Variants in CLYBL observed in about 807,000 individuals in gnomAD.
CLYBL encodes citramalyl-CoA lyase, mitochondrial.
A neutral mutation model predicts 38.9 loss-of-function variants in CLYBL; 31 were observed. That is an observed-to-expected ratio of 0.80 (90% confidence interval 0.60 to 1.08). The LOEUF (loss-of-function observed/expected upper bound fraction) is 1.08. CLYBL is among the 50% of genes least tolerant of loss of function. The probability of loss-of-function intolerance (pLI) is 0.00; values close to 1 mark genes in which losing one functional copy is unlikely to be tolerated. For synonymous variants in CLYBL, 171 were observed against 158.6 expected (o/e 1.08, Z -0.59); for missense variants, 434 against 411.6 (o/e 1.05, Z -0.47).
intron 2 of CLYBL, among the ~76,000 whole-genome samples, chr13:99,827,655 C>T (rs1438121398): frequency 6.6e-6 from 1 of 152,206 alleles, no homozygotes; most frequent in African/African-American, 2.4e-5. Flanking sequence ...CTGGGGAGCC[C>T]CACACCAGGG....
chr13:99,843,604 C>CTTTTT (rs60365803), intron 2 of CLYBL, among the ~76,000 whole-genome samples: 2,022 of 142,840 alleles, frequency 0.014, 38 homozygotes, highest in Non-Finnish European at 0.015. Flanking sequence ...AAAAATTAAT[C>CTTTTT]TTTTTTTTTT....
At chr13:99,672,809 C>A (rs1488365747) in intron 1 of CLYBL, among the ~76,000 whole-genome samples, 1 of 152,056 alleles carries the variant, frequency 6.6e-6, no homozygotes, top group Non-Finnish European at 1.5e-5. Context: ...CATTTTACCT[C>A]ATTTTTCTCC....
chr13:99,688,590 G>T, intron 1 of CLYBL, among the ~76,000 whole-genome samples: 1 of 149,868 alleles, frequency 6.7e-6, no homozygotes, highest in Non-Finnish European at 1.5e-5. Context: ...CTTTTCTTTA[G>T]TCCGATTCTT....
At chr13:99,675,590 G>C (rs74929681) in intron 1 of CLYBL, among the ~76,000 whole-genome samples, 1 of 152,080 alleles carries the variant, frequency 6.6e-6, no homozygotes, top group Non-Finnish European at 1.5e-5. Context: ...TATATTTGCC[G>C]ATTCTGGACT....
chr13:99,622,939 C>T (rs188799385), intron 1 of CLYBL, among the ~76,000 whole-genome samples: 2 of 152,228 alleles, frequency 1.3e-5, no homozygotes, highest in Non-Finnish European at 2.9e-5. Flanking sequence ...TTGAGTGATT[C>T]CCCCTGCCTC....
At chr13:99,780,547 A>T (rs1755986146) in intron 2 of CLYBL, among the ~76,000 whole-genome samples, 1 of 151,468 alleles carries the variant, frequency 6.6e-6, no homozygotes, top group Non-Finnish European at 1.5e-5. Context: ...CACCTGGCTA[A>T]TTTTTTGTGT....
intron 2 of CLYBL, among the ~76,000 whole-genome samples, chr13:99,816,298 A>G (rs533019654): frequency 1.3e-5 from 2 of 152,370 alleles, no homozygotes; most frequent in South Asian, 2.1e-4. Context: ...TGGGACAGAT[A>G]TCTGTTTTCC....
intron 2 of CLYBL, among the ~76,000 whole-genome samples, chr13:99,851,846 A>G (rs1268752466): frequency 6.6e-6 from 1 of 152,206 alleles, no homozygotes; most frequent in African/African-American, 2.4e-5. Context: ...TCTTAAGTAT[A>G]TGCCCAAGAG....
chr13:99,832,286 G>A (rs1328067945), intron 2 of CLYBL, among the ~76,000 whole-genome samples: 5 of 152,134 alleles, frequency 3.3e-5, no homozygotes, highest in African/African-American at 1.2e-4. Flanking sequence ...CATTTCCATG[G>A]TGCGAGACCA....
At chr13:99,881,250 T>TA (rs746246116) in intron 7 of CLYBL, among the ~76,000 whole-genome samples, 3 of 152,216 alleles carry the variant, frequency 2.0e-5, no homozygotes, top group Non-Finnish European at 4.4e-5. Context: ...CATGTAGAGA[T>TA]ACATTAGCAT....
intron 7 of CLYBL, among the ~76,000 whole-genome samples, chr13:99,875,032 T>C (rs1747544432): frequency 6.6e-6 from 1 of 152,276 alleles, no homozygotes; most frequent in Non-Finnish European, 1.5e-5. Context: ...ATTCATATCA[T>C]GGCTGTACGT....
At chr13:99,842,108 G>A (rs549421493) in intron 2 of CLYBL, among the ~76,000 whole-genome samples, 59 of 152,240 alleles carry the variant, frequency 3.9e-4, no homozygotes, top group Middle Eastern at 6.8e-3. Flanking sequence ...GTGAGCCACC[G>A]TGCCCAGCTG....
At chr13:99,894,158 T>TA (rs1160598297), downstream of CLYBL, 1 of 152,286 alleles carries the variant, frequency 6.6e-6, no homozygotes, top group Non-Finnish European at 1.5e-5. Context: ...AAGAAGATGC[T>TA]GGAAGGCAAA....
intron 7 of CLYBL, chr13:99,877,571 CTTTTTTTTT>C (rs561372911): frequency 2.0e-3 from 438 of 214,872 alleles, no homozygotes; most frequent in Non-Finnish European, 3.0e-3. Flanking sequence ...TTTTGTAATT[CTTTTTTTTT>C]TTTTTTTTTT....
chr13:99,887,734 C>G (rs528302895), intron 7 of CLYBL, among the ~76,000 whole-genome samples: 1 of 152,234 alleles, frequency 6.6e-6, no homozygotes, highest in Admixed American at 6.5e-5. Flanking sequence ...GCCTGGGTGA[C>G]AGAGTGAAAC....
chr13:99,851,721 C>T (rs1477680753), intron 2 of CLYBL, among the ~76,000 whole-genome samples: 2 of 152,146 alleles, frequency 1.3e-5, no homozygotes, highest in African/African-American at 2.4e-5. Flanking sequence ...TGGAAAGGAA[C>T]CCTCAACACA....
chr13:99,665,451 G>A (rs1466241815), intron 1 of CLYBL, among the ~76,000 whole-genome samples: 1 of 151,848 alleles, frequency 6.6e-6, no homozygotes. Flanking sequence ...AGCAGAGGAG[G>A]AAGAATTAAT....
In CLYBL at chr13:99,633,099, G is replaced by C. The variant is rs558834387; in HGVS notation, c.62+26342G>C. Among the ~76,000 whole-genome samples the C allele has an allele frequency of 2.7e-5, 4 of 150,328 alleles. No individual in the cohort carries two copies. In the South Asian group the frequency reaches 8.5e-4, roughly 32 times the overall value. On this transcript the variant is annotated intron_variant, in intron 1 of 8. Transcript: ENST00000339105. The stretch of plus-strand genomic sequence containing the variant: ...TAACTAAAAATACAAAAATTAGCCA[G>C]GTGTGGGAGACTGAGACAGGAGAAT...
intron 2 of CLYBL, among the ~76,000 whole-genome samples, chr13:99,781,309 T>C (rs1031950760): frequency 1.6e-4 from 25 of 152,030 alleles, no homozygotes; most frequent in Non-Finnish European, 3.1e-4. Flanking sequence ...TAGCTGGGAC[T>C]ACAGGCGCCC....
Sources: gnomAD v4.1 joint callset for allele counts (sites outside exome capture counted in the v4.1 genomes callset) on GRCh38, gnomAD v4.1.1 for gene constraint, MANE v1.5 for transcripts, NCBI Gene and HGNC (gene_info 2026-07-23, HGNC 2026-07-21) for gene names.